Variants in UFM1 observed in about 807,000 individuals in gnomAD.
UFM1 encodes the protein ubiquitin fold modifier 1, also known as ubiquitin-fold modifier 1.
In UFM1, 9 loss-of-function variants were observed where a neutral mutation model predicts 15.4. The ratio of observed to expected loss-of-function variants is 0.59; its 90% CI spans 0.35 to 1.02. UFM1 has a LOEUF of 1.02. UFM1 is among the 50% of genes least tolerant of loss of function. The probability of loss-of-function intolerance (pLI) is 0.02; values close to 1 mark genes in which losing one functional copy is unlikely to be tolerated. For missense variants in UFM1, 98 were observed against 104.7 expected (o/e 0.94, Z 0.28); for synonymous variants, 27 against 36.3 (o/e 0.74, Z 0.92).
chr13:38,354,221 T>C lies in UFM1; in HGVS notation c.60-18T>C, dbSNP rs1261663345. The C allele has an allele frequency of 1.2e-6, 2 of 1,606,642 alleles. No individual in the cohort carries two copies. The highest frequency in any genetic ancestry group is 3.4e-5 in the Admixed American group (2 of 59,582). ...AATGGTGACTTTAAAAGAAACTGTT[T>C]TAAAATTCTTCTTGCAGACTCAGTG... is the stretch of plus-strand genomic sequence containing the variant. On this transcript the variant is annotated intron_variant, in intron 2 of 5. Coordinates refer to ENST00000239878, the MANE Select transcript of UFM1 (RefSeq NM_016617.4).
intron 2 of UFM1, among the ~76,000 whole-genome samples, chr13:38,351,092 A>G (rs1168836624): frequency 6.6e-6 from 1 of 152,182 alleles, no homozygotes; most frequent in Non-Finnish European, 1.5e-5. Flanking sequence ...ATCTGTAGCT[A>G]TCCCCACTTC....
intron 2 of UFM1, among the ~76,000 whole-genome samples, chr13:38,352,592 T>A (rs189438057): frequency 1.8e-4 from 28 of 152,356 alleles, no homozygotes; most frequent in Admixed American, 1.2e-3. Context: ...ATAATTTAAG[T>A]ACCGATTTTA....
chr13:38,357,293 G>T (rs1879146756), intron 3 of UFM1, among the ~76,000 whole-genome samples: 1 of 151,860 alleles, frequency 6.6e-6, no homozygotes, highest in African/African-American at 2.4e-5. Flanking sequence ...AATTTCTATG[G>T]AGAAATTTTA....
intron 3 of UFM1, among the ~76,000 whole-genome samples, chr13:38,357,329 C>T (rs1879148081): frequency 6.6e-6 from 1 of 151,918 alleles, no homozygotes; most frequent in Non-Finnish European, 1.5e-5. Flanking sequence ...GTTTATTTTG[C>T]ATGTACTTTT....
intron 2 of UFM1, chr13:38,350,311 C>T: frequency 7.1e-7 from 1 of 1,408,080 alleles, no homozygotes; most frequent in South Asian, 1.2e-5. Flanking sequence ...GTGACCTCCC[C>T]TCGGAATTCA....
intron 2 of UFM1, 45 bp downstream of exon 2, chr13:38,350,100 G>C (rs1159416176): frequency 1.2e-6 from 2 of 1,614,216 alleles, no homozygotes; most frequent in East Asian, 4.5e-5. Flanking sequence ...CGGACAAGAC[G>C]GGGCTGGGTT....
chr13:38,359,956 G>A (rs1309536537), intron 5 of UFM1: 1 of 255,448 alleles, frequency 3.9e-6, no homozygotes, highest in Non-Finnish European at 7.8e-6. Context: ...ATGCTTTAAT[G>A]TAACCTCATT....
At chr13:38,359,174 G>A in intron 4 of UFM1, 127 bp from the exon 5 acceptor site, 1 of 666,050 alleles carries the variant, frequency 1.5e-6, no homozygotes, top group Non-Finnish European at 2.5e-6. Flanking sequence ...TCGTGTTCTT[G>A]GATTTAAAGT....
intron 2 of UFM1, among the ~76,000 whole-genome samples, chr13:38,351,346 A>C (rs1354471361): frequency 1.3e-5 from 2 of 152,224 alleles, no homozygotes; most frequent in Non-Finnish European, 2.9e-5. Context: ...CTAGTACTTA[A>C]TACATTCTTC....
At chr13:38,355,391 A>T (rs1432390230) in intron 3 of UFM1, among the ~76,000 whole-genome samples, 2 of 152,022 alleles carry the variant, frequency 1.3e-5, no homozygotes, top group Non-Finnish European at 2.9e-5. Context: ...TAGCATTGTC[A>T]TTACTTTTTG....
intron 2 of UFM1, among the ~76,000 whole-genome samples, chr13:38,352,157 G>A (rs1432198120): frequency 7.0e-6 from 1 of 142,556 alleles, no homozygotes; most frequent in Non-Finnish European, 1.5e-5. Context: ...AGGTTGGAGT[G>A]CAGTGGCACG....
intron 2 of UFM1, among the ~76,000 whole-genome samples, chr13:38,351,765 C>T (rs142281543): frequency 3.9e-5 from 6 of 152,210 alleles, no homozygotes; most frequent in African/African-American, 1.4e-4. Flanking sequence ...GAACATTGTA[C>T]CAGTTCAGTT....
intron 3 of UFM1, 22 bp from the exon 4 acceptor site, chr13:38,358,071 A>ATT (rs68091289): frequency 1.8e-4 from 99 of 554,502 alleles, no homozygotes; most frequent in African/African-American, 9.1e-4. Context: ...ATATATATAT[A>ATT]TTTTTTTTTC....
chr13:38,358,476 A>G (rs994778215), intron 4 of UFM1, among the ~76,000 whole-genome samples: 1 of 151,776 alleles, frequency 6.6e-6, no homozygotes, highest in Non-Finnish European at 1.5e-5. Context: ...GCAGGAATGT[A>G]TCTTTGCTAT....
In UFM1 at chr13:38,356,931, C is replaced by T. The variant is rs1879127158; in HGVS notation, c.118-1162C>T. Among the ~76,000 whole-genome samples, 3 of 151,968 alleles carry T rather than the reference C, an allele frequency of 2.0e-5. No individual in the cohort carries two copies. In the South Asian group the frequency reaches 6.2e-4, roughly 32 times the overall value. On this transcript the variant is annotated intron_variant, in intron 3 of 5. Coordinates refer to ENST00000239878, the MANE Select transcript of UFM1 (RefSeq NM_016617.4). ...TGCATAAACTGTGAAGACATAAACA[C>T]ACTTTGGCAACTGCTGGTCTCTTTA... is the stretch of plus-strand genomic sequence containing the variant.
rs1878752518 is a variant in UFM1, at chr13:38,350,064, C to T, written c.59+9C>T. 1 of 1,614,238 alleles carries T rather than the reference C, an allele frequency of 6.2e-7. No individual in the cohort carries two copies. The stretch of plus-strand genomic sequence containing the variant: ...CGGCTGCCGTACAAAGTGTGAGTAG[C>T]TCGGCCGAGATGGGCCTTTTGGGGC... On this transcript the variant is annotated intron_variant, in intron 2 of 5. Coordinates refer to ENST00000239878, the MANE Select transcript of UFM1 (RefSeq NM_016617.4).
chr13:38,362,525 C>G lies in UFM1; in HGVS notation c.*1747C>G, dbSNP rs1461383489. Reference sequence around the variant, plus strand: ...CCAGGCTTCTCCTGCCTCAGCCTCACGAGTAGCTGGGACTACAGGCATGCA... The same window carrying G: ...CCAGGCTTCTCCTGCCTCAGCCTCAGGAGTAGCTGGGACTACAGGCATGCA... On this transcript the variant is annotated 3_prime_UTR_variant, in exon 6 of 6. Transcript: ENST00000239878. 2 of 149,730 alleles carry G rather than the reference C, an allele frequency of 1.3e-5. No individual in the cohort carries two copies. The highest frequency in any genetic ancestry group is 6.7e-5 in the Admixed American group (1 of 15,014). The allele number at this position is 149,730 out of a possible 1,614,324, so 9.3% of individuals were successfully genotyped here.
chr13:38,359,209 A>T, intron 4 of UFM1, 92 bp from the exon 5 acceptor site: 1 of 1,131,156 alleles, frequency 8.8e-7, no homozygotes, highest in East Asian at 2.4e-5. Flanking sequence ...TATATACACA[A>T]CAGCACTATT....
In UFM1 at chr13:38,360,817, A is replaced by C. The variant is rs1460235005; in HGVS notation, c.*39A>C. 1.7e-5 allele frequency: 26 copies of C among 1,519,274 alleles called. No individual in the cohort carries two copies. The highest frequency in any genetic ancestry group is 2.3e-5 in the Non-Finnish European group (25 of 1,102,060). 94.1% of individuals were successfully genotyped at this position (1,519,274 alleles called of 1,614,324 possible). A position where few individuals can be genotyped will look rare whatever the true frequency, so the allele number is the denominator to read the frequency against. On this transcript the variant is annotated 3_prime_UTR_variant, in exon 6 of 6. Transcript: ENST00000239878. ...GAACATACGATTGCCTTTCAGAATA[A>C]ATATTGGTATTTTTTGTTGTTGTAA...
Sources: allele counts gnomAD v4.1 joint callset (sites outside exome capture counted in the v4.1 genomes callset), GRCh38; gene constraint gnomAD v4.1.1; transcripts MANE v1.5; gene names NCBI Gene and HGNC (gene_info 2026-07-23, HGNC 2026-07-21).